Variants in TAF1B observed in about 807,000 individuals in gnomAD.
TAF1B encodes TATA-box binding protein associated factor, RNA polymerase I subunit B.
TAF1B carries 61 observed loss-of-function variants against 83.9 expected under a neutral mutation model. The ratio of observed to expected loss-of-function variants is 0.73; its 90% CI spans 0.59 to 0.90. The LOEUF (loss-of-function observed/expected upper bound fraction) is 0.90. Ranked by LOEUF, TAF1B falls within the 40% of genes least tolerant of loss-of-function variation. The pLI, the probability that TAF1B is intolerant of heterozygous loss-of-function variation, is 0.00. For missense variants in TAF1B, 625 were observed against 677.0 expected, an observed-to-expected ratio of 0.92 and a Z score of 0.85; for synonymous variants, 221 against 224.6, an observed-to-expected ratio of 0.98 and a Z score of 0.14.
intron 2 of TAF1B, 31 bp downstream of exon 2, chr2:9,845,349 T>G: frequency 1.3e-6 from 2 of 1,593,944 alleles, no homozygotes; most frequent in Non-Finnish European, 8.6e-7. Context: ...ATGAATTTGC[T>G]TATGTTTTAA....
rs557372974 is a variant in TAF1B, at chr2:9,883,386, C to T, written c.807+581C>T. On this transcript the variant is annotated intron_variant, in intron 8 of 14. Coordinates refer to ENST00000263663, the MANE Select transcript of TAF1B (RefSeq NM_005680.3). The stretch of plus-strand genomic sequence containing the variant: ...TGTACTAAATGTTAAAGATTTTCCT[C>T]CATTCACCTACTTAAGGAATCATTT... Among the ~76,000 whole-genome samples the T allele has an allele frequency of 5.9e-5, 9 of 152,264 alleles. No homozygotes were observed. The South Asian group carries it at 1.9e-3, about 32-fold the overall frequency.
intron 8 of TAF1B, among the ~76,000 whole-genome samples, chr2:9,892,565 C>T (rs2125161975): frequency 6.6e-6 from 1 of 152,292 alleles, no homozygotes; most frequent in Admixed American, 6.5e-5. Context: ...GCTTATTTTA[C>T]TTATGGGCCC....
intron 5 of TAF1B, among the ~76,000 whole-genome samples, chr2:9,858,381 A>G (rs1250424084): frequency 1.3e-5 from 2 of 152,204 alleles, no homozygotes; most frequent in South Asian, 2.1e-4. Flanking sequence ...ACAGCCCCCA[A>G]GGCTGCTTTC....
At chr2:9,918,864 G>A (rs1280719679) in intron 12 of TAF1B, among the ~76,000 whole-genome samples, 177 bp from the exon 13 acceptor site, 2 of 152,212 alleles carry the variant, frequency 1.3e-5, no homozygotes, top group Non-Finnish European at 2.9e-5. Context: ...GGCCTGGGCT[G>A]TTGGTCAGTG....
intron 8 of TAF1B, among the ~76,000 whole-genome samples, chr2:9,901,670 T>C (rs1162087734): frequency 6.6e-6 from 1 of 152,194 alleles, no homozygotes; most frequent in African/African-American, 2.4e-5. Context: ...CTGTAAATCT[T>C]ATTAGTAATG....
chr2:9,851,779 C>G (rs1663403903), intron 4 of TAF1B, 141 bp downstream of exon 4: 1 of 704,290 alleles, frequency 1.4e-6, no homozygotes, highest in Admixed American at 2.8e-5. Flanking sequence ...TGCTTTAATC[C>G]TTTTAGTAGG....
At chr2:9,858,188 A>G (rs1663626719) in intron 5 of TAF1B, among the ~76,000 whole-genome samples, 1 of 152,222 alleles carries the variant, frequency 6.6e-6, no homozygotes. Flanking sequence ...AATGTTCCCA[A>G]TCCACATGGG....
intron 14 of TAF1B, among the ~76,000 whole-genome samples, chr2:9,930,101 A>G (rs1242636213): frequency 6.6e-6 from 1 of 151,034 alleles, no homozygotes; most frequent in East Asian, 2.0e-4. Context: ...CGGTCTATCA[A>G]TTTTTTTCAT....
intron 1 of TAF1B, 190 bp downstream of exon 1, chr2:9,843,749 G>A (rs1663104106): frequency 3.5e-6 from 2 of 570,702 alleles, no homozygotes; most frequent in South Asian, 2.4e-5. Context: ...CTTTGGTAAA[G>A]AGGCTGGAGT....
At chr2:9,911,372 G>A in intron 10 of TAF1B, 139 bp from the exon 11 acceptor site, 1 of 624,250 alleles carries the variant, frequency 1.6e-6, no homozygotes, top group Non-Finnish European at 2.7e-6. Context: ...CTCCTCCTCT[G>A]TTTCAGTGAT....
intron 6 of TAF1B, among the ~76,000 whole-genome samples, chr2:9,873,559 A>G (rs1242082689): frequency 1.3e-5 from 2 of 150,846 alleles, no homozygotes; most frequent in Non-Finnish European, 2.9e-5. Flanking sequence ...CTGTTGGTGT[A>G]TTTAATAAGA....
intron 7 of TAF1B, 59 bp from the exon 8 acceptor site, chr2:9,882,646 AT>A: frequency 9.0e-7 from 1 of 1,110,892 alleles, no homozygotes; most frequent in East Asian, 2.6e-5. Flanking sequence ...TTCTTAAAGC[AT>A]TTACTCTGCT....
chr2:9,850,088 T>TA (rs1663338822), intron 3 of TAF1B, among the ~76,000 whole-genome samples: 1 of 152,008 alleles, frequency 6.6e-6, no homozygotes, highest in African/African-American at 2.4e-5. Context: ...CCGACATTCT[T>TA]AGATGCTAAC....
intron 12 of TAF1B, 58 bp downstream of exon 12, chr2:9,913,307 C>T: frequency 7.1e-7 from 1 of 1,400,042 alleles, no homozygotes; most frequent in South Asian, 1.2e-5. Context: ...TGTTACTTTA[C>T]ATTTGAAAGC....
At chr2:9,926,804 CAAAA>C (rs71391175) in intron 14 of TAF1B, among the ~76,000 whole-genome samples, 13 of 104,844 alleles carry the variant, frequency 1.2e-4, no homozygotes, top group African/African-American at 4.5e-4. Flanking sequence ...GACTCTGTCT[CAAAA>C]AAAAAAAAAA....
chr2:9,884,650 T>G (rs1664616262), intron 8 of TAF1B, among the ~76,000 whole-genome samples: 1 of 152,164 alleles, frequency 6.6e-6, no homozygotes, highest in African/African-American at 2.4e-5. Context: ...TCTTTGCAGC[T>G]CTCTCAGCAG....
At chr2:9,844,468 C>G (rs1663136778) in intron 1 of TAF1B, 3 of 152,138 alleles carry the variant, frequency 2.0e-5, no homozygotes, top group Admixed American at 2.0e-4. Context: ...AAATGGCACA[C>G]GCTTTGATGG....
At chr2:9,913,306 A>C in intron 12 of TAF1B, 57 bp downstream of exon 12, 1 of 1,425,780 alleles carries the variant, frequency 7.0e-7, no homozygotes, top group Non-Finnish European at 9.8e-7. Context: ...CTGTTACTTT[A>C]CATTTGAAAG....
At chr2:9,883,802 T>C (rs1664580719) in intron 8 of TAF1B, among the ~76,000 whole-genome samples, 1 of 152,256 alleles carries the variant, frequency 6.6e-6, no homozygotes, top group African/African-American at 2.4e-5. Flanking sequence ...GCAAAGCTGA[T>C]AGAGCCCCTG....
Sources: gnomAD v4.1 joint callset for allele counts (sites outside exome capture counted in the v4.1 genomes callset) on GRCh38, gnomAD v4.1.1 for gene constraint, MANE v1.5 for transcripts, NCBI Gene and HGNC (gene_info 2026-07-23, HGNC 2026-07-21) for gene names.